The following UST variants were observed in gnomAD, a reference collection of about 807,000 sequenced individuals.
The protein encoded by UST is uronyl 2-sulfotransferase.
In UST, 21 loss-of-function variants were observed where a neutral mutation model predicts 45.6. The observed-to-expected ratio is 0.46, with a 90% confidence interval of 0.33 to 0.66. The LOEUF (loss-of-function observed/expected upper bound fraction) is 0.66, where lower values mean the gene tolerates loss of function less well. Among genes scored for constraint, UST ranks in the 30% least tolerant of loss-of-function variants. UST has a pLI of 0.02. For missense variants in UST, 463 were observed against 512.4 expected (o/e 0.90, Z 0.93); for synonymous variants, 215 against 200.6 (o/e 1.07, Z -0.61).
At chr6:148,758,600 G>A (rs1011455705) in intron 1 of UST, among the ~76,000 whole-genome samples, 1 of 152,104 alleles carries the variant, frequency 6.6e-6, no homozygotes, top group African/African-American at 2.4e-5. Flanking sequence ...CCAGTAGTAC[G>A]CCCACTTTCT....
At chr6:148,907,019 G>A (rs1779376647) in intron 2 of UST, among the ~76,000 whole-genome samples, 1 of 152,090 alleles carries the variant, frequency 6.6e-6, no homozygotes, top group Admixed American at 6.6e-5. Flanking sequence ...ATTCTAAACT[G>A]GTTAACCACA....
chr6:148,975,737 T>A lies in UST; in HGVS notation c.681+11174T>A, dbSNP rs200799340. 2.9e-4 allele frequency among the ~76,000 whole-genome samples: 44 copies of A among 152,126 alleles called. No individual in the cohort carries two copies. In the East Asian group the frequency reaches 7.9e-3, roughly 27 times the overall value. ...TTATGAATAAATAGTGTAGGAAAAA[T>A]TAGACCGTTAAGGAACCCAACATAC... On this transcript the variant is annotated intron_variant, in intron 5 of 7. Transcript: ENST00000367463.
At chr6:148,837,383 TA>T (rs1219354664) in intron 1 of UST, among the ~76,000 whole-genome samples, 1 of 152,200 alleles carries the variant, frequency 6.6e-6, no homozygotes, top group Non-Finnish European at 1.5e-5. Flanking sequence ...AGGTTTGTTC[TA>T]AAAACCAGAA....
chr6:148,869,175 G>C (rs905132049), intron 1 of UST, among the ~76,000 whole-genome samples: 2 of 152,156 alleles, frequency 1.3e-5, no homozygotes, highest in Non-Finnish European at 2.9e-5. Flanking sequence ...TGATGTTAAG[G>C]CACCTATTTG....
At chr6:148,826,195 C>T (rs541045607) in intron 1 of UST, among the ~76,000 whole-genome samples, 2 of 152,232 alleles carry the variant, frequency 1.3e-5, no homozygotes. Flanking sequence ...CCACTGCAGC[C>T]TCCGCCTCCC....
intron 1 of UST, among the ~76,000 whole-genome samples, chr6:148,842,774 A>G (rs1213648300): frequency 6.6e-6 from 1 of 152,204 alleles, no homozygotes; most frequent in Non-Finnish European, 1.5e-5. Context: ...GAGAAGGCAA[A>G]TACAGCGTGG....
intron 5 of UST, among the ~76,000 whole-genome samples, chr6:148,967,738 G>T (rs1328270964): frequency 6.6e-6 from 1 of 152,158 alleles, no homozygotes; most frequent in Non-Finnish European, 1.5e-5. Flanking sequence ...GGCCTGAAAT[G>T]AGTCTGCTGA....
intron 1 of UST, among the ~76,000 whole-genome samples, chr6:148,863,688 G>T (rs922018463): frequency 6.6e-6 from 1 of 152,124 alleles, no homozygotes; most frequent in Non-Finnish European, 1.5e-5. Context: ...GTTTTGGTGT[G>T]GATGTCCTTT....
At chr6:148,979,613 G>A (rs535611339) in intron 5 of UST, among the ~76,000 whole-genome samples, 59 of 152,140 alleles carry the variant, frequency 3.9e-4, no homozygotes, top group Non-Finnish European at 8.5e-4. Flanking sequence ...CTACAAATGT[G>A]GAAGCAAATA....
At chr6:148,813,600 T>C (rs1469301962) in intron 1 of UST, among the ~76,000 whole-genome samples, 2 of 152,126 alleles carry the variant, frequency 1.3e-5, no homozygotes, top group African/African-American at 4.8e-5. Context: ...CAAGCTGGTC[T>C]CAAACTCCTG....
chr6:148,885,001 T>C (rs556725503), intron 1 of UST, among the ~76,000 whole-genome samples: 16 of 152,038 alleles, frequency 1.1e-4, no homozygotes, highest in Non-Finnish European at 1.6e-4. Context: ...CAGGATGGAA[T>C]TGGAGCAAAT....
intron 2 of UST, among the ~76,000 whole-genome samples, chr6:148,901,513 G>A (rs932377393): frequency 1.3e-5 from 2 of 151,730 alleles, no homozygotes; most frequent in Non-Finnish European, 2.9e-5. Flanking sequence ...GGGGCACGTA[G>A]GGAGACTTTT....
intron 7 of UST, among the ~76,000 whole-genome samples, chr6:149,026,603 T>G (rs946249343): frequency 6.6e-6 from 1 of 152,184 alleles, no homozygotes; most frequent in Non-Finnish European, 1.5e-5. Context: ...ATATGTGTAA[T>G]AGGAACAGTC....
intron 5 of UST, among the ~76,000 whole-genome samples, chr6:149,017,700 A>T (rs1280763733): frequency 1.3e-5 from 2 of 152,104 alleles, no homozygotes. Flanking sequence ...TGAATGTACC[A>T]TAATTTCTCT....
intron 1 of UST, among the ~76,000 whole-genome samples, chr6:148,757,468 C>T (rs1236428316): frequency 1.3e-5 from 2 of 152,074 alleles, no homozygotes; most frequent in African/African-American, 4.8e-5. Flanking sequence ...GAGATGAGAC[C>T]GTGGAATGAT....
intron 1 of UST, among the ~76,000 whole-genome samples, chr6:148,843,877 C>G (rs1319281752): frequency 6.6e-6 from 1 of 152,124 alleles, no homozygotes. Flanking sequence ...GCATAATGTT[C>G]TGCATAGAGC....
intron 2 of UST, among the ~76,000 whole-genome samples, chr6:148,940,324 CAAA>C (rs549981409): frequency 1.4e-5 from 2 of 140,472 alleles, no homozygotes; most frequent in Non-Finnish European, 3.1e-5. Flanking sequence ...CTGTCTCTAC[CAAA>C]AAAAAAAAAA....
chr6:148,910,365 C>A (rs1201677062), intron 2 of UST, among the ~76,000 whole-genome samples: 3 of 152,088 alleles, frequency 2.0e-5, no homozygotes, highest in Non-Finnish European at 4.4e-5. Context: ...GTCTCAAACT[C>A]CCGACCTCAG....
At chr6:148,821,118 C>T (rs1777456520) in intron 1 of UST, among the ~76,000 whole-genome samples, 1 of 150,798 alleles carries the variant, frequency 6.6e-6, no homozygotes, top group South Asian at 2.1e-4. Flanking sequence ...TACAGGAGCC[C>T]ACTACCACGC....
Sources: allele counts gnomAD v4.1 joint callset (sites outside exome capture counted in the v4.1 genomes callset), GRCh38; gene constraint gnomAD v4.1.1; transcripts MANE v1.5; gene names NCBI Gene and HGNC (gene_info 2026-07-23, HGNC 2026-07-21).